The following THSD4 variants were observed in gnomAD, a reference collection of about 807,000 sequenced individuals.
The protein encoded by THSD4 is thrombospondin type 1 domain containing 4, also known as thrombospondin type-1 domain-containing protein 4.
THSD4 carries 69 observed loss-of-function variants against 119.0 expected under a neutral mutation model. The ratio of observed to expected loss-of-function variants is 0.58; its 90% confidence interval spans 0.48 to 0.71. The LOEUF (loss-of-function observed/expected upper bound fraction) is 0.71, where lower values mean the gene tolerates loss of function less well. Ranked by LOEUF, THSD4 falls within the 30% of genes least tolerant of loss-of-function variation. The pLI, the probability that THSD4 is intolerant of heterozygous loss-of-function variation, is 0.00. For synonymous variants in THSD4, 524 were observed against 540.4 expected, an observed-to-expected ratio of 0.97 and a Z score of 0.42; for missense variants, 1,393 against 1,391.1, an observed-to-expected ratio of 1.00 and a Z score of -0.02.
intron 3 of THSD4, chr15:71,167,282 C>G (rs1229580057): frequency 6.6e-6 from 1 of 152,226 alleles, no homozygotes; most frequent in African/African-American, 2.4e-5. Context: ...GCTTTCTGTG[C>G]TATAAAGTCT....
intron 7 of THSD4, among the ~76,000 whole-genome samples, chr15:71,424,731 G>T (rs969907538): frequency 2.6e-5 from 4 of 152,110 alleles, no homozygotes; most frequent in African/African-American, 9.7e-5. Flanking sequence ...CATTAACCAC[G>T]CTATGATTTA....
chr15:71,117,946 G>T (rs555701885), intron 1 of THSD4, among the ~76,000 whole-genome samples: 1 of 152,278 alleles, frequency 6.6e-6, no homozygotes, highest in Non-Finnish European at 1.5e-5. Flanking sequence ...CCACCCAGGG[G>T]AGAAAGGGAA....
At position 71,544,812 on chromosome 15, in the gene THSD4, T is replaced by C. The variant is rs188763557; in HGVS notation, c.1153-115718T>C. On this transcript the variant is annotated intron_variant, in intron 7 of 17. Coordinates refer to ENST00000261862, the MANE Select transcript of THSD4 (RefSeq NM_024817.3). ...AAATGTGGTATATCCATACAATGGA[T>C]ATTGCTTAACCTTAAAAAGGAATGA... Among the ~76,000 whole-genome samples the C allele has an allele frequency of 4.6e-5, 7 of 152,324 alleles. No individual in the cohort carries two copies. The East Asian group carries it at 1.3e-3, about 29-fold the overall frequency.
chr15:71,279,484 A>G (rs1205537493), intron 6 of THSD4, among the ~76,000 whole-genome samples: 3 of 152,228 alleles, frequency 2.0e-5, no homozygotes, highest in Admixed American at 6.5e-5. Flanking sequence ...CCTTTGGCAC[A>G]TTCTTAGGAT....
intron 8 of THSD4, among the ~76,000 whole-genome samples, chr15:71,707,659 A>C (rs2052419976): frequency 6.6e-6 from 1 of 152,204 alleles, no homozygotes; most frequent in Non-Finnish European, 1.5e-5. Flanking sequence ...CCTTTTGAAC[A>C]AGGCAGTTAT....
chr15:71,699,929 C>T (rs1385780249), intron 8 of THSD4, among the ~76,000 whole-genome samples: 1 of 151,970 alleles, frequency 6.6e-6, no homozygotes. Context: ...CCAATCTGTA[C>T]AAATTAATAA....
At chr15:71,735,385 T>C (rs2053063061) in intron 10 of THSD4, among the ~76,000 whole-genome samples, 1 of 152,088 alleles carries the variant, frequency 6.6e-6, no homozygotes, top group South Asian at 2.1e-4. Flanking sequence ...TCCATGGCAC[T>C]CAGGAAACCC....
intron 7 of THSD4, among the ~76,000 whole-genome samples, chr15:71,606,982 C>G (rs182488257): frequency 6.6e-6 from 1 of 152,264 alleles, no homozygotes; most frequent in Non-Finnish European, 1.5e-5. Context: ...TTTGGAGAAA[C>G]CAAAAGCTCA....
intron 11 of THSD4, among the ~76,000 whole-genome samples, chr15:71,741,311 C>G (rs2053229708): frequency 6.6e-6 from 1 of 151,828 alleles, no homozygotes; most frequent in Non-Finnish European, 1.5e-5. Context: ...GCCAACGTGG[C>G]AAAAAACCCT....
chr15:71,120,478 G>A (rs537381775), intron 1 of THSD4, among the ~76,000 whole-genome samples: 4 of 152,324 alleles, frequency 2.6e-5, no homozygotes, highest in Admixed American at 2.6e-4. Flanking sequence ...CTAGGGCGTG[G>A]TCCGAGGGCA....
rs73447540 is a variant in THSD4 at position 71,105,577 on chromosome 15, A to G, written c.-80+8571A>G. 2.5e-3 allele frequency among the ~76,000 whole-genome samples: 383 copies of G among 152,352 alleles called. 2 individuals are homozygous for G. Among genetic ancestry groups the G allele is most frequent in the African/African-American group, 8.8e-3 (366 of 41,586 alleles). ...GCATAAACTCAGGTGTGCTCCAAAGAGGCTCCTTAAGAATAAGAAAGGACA... is the reference window on the plus strand; with the variant it reads ...GCATAAACTCAGGTGTGCTCCAAAGGGGCTCCTTAAGAATAAGAAAGGACA... On this transcript the variant is annotated intron_variant, in intron 1 of 17. Transcript: ENST00000355327.
At chr15:71,221,479 A>G (rs992157847) in intron 4 of THSD4, among the ~76,000 whole-genome samples, 1 of 151,980 alleles carries the variant, frequency 6.6e-6, no homozygotes, top group African/African-American at 2.4e-5. Context: ...CCACCATTCT[A>G]CTTTCTTCCT....
Position 71,748,400 on chromosome 15 carries a change from C to T in THSD4, c.2242-21C>T, listed in dbSNP as rs527905242. 4.1e-4 allele frequency: 666 copies of T among 1,613,148 alleles called. 11 individuals carry two copies. The South Asian group carries it at 6.6e-3, about 16-fold the overall frequency. On this transcript the variant is annotated intron_variant, in intron 13 of 17. Coordinates refer to ENST00000261862, the MANE Select transcript of THSD4 (RefSeq NM_024817.3). ...GAGCTGAAGCTGCTGGTTCCCCTGA[C>T]GTCAGTGTGCTGTGTTTCAGTGCTC...
chr15:71,287,301 CTG>C (rs2140320898), intron 6 of THSD4, among the ~76,000 whole-genome samples: 1 of 152,246 alleles, frequency 6.6e-6, no homozygotes, highest in Non-Finnish European at 1.5e-5. Flanking sequence ...TTTCATCATG[CTG>C]TGTTAATACT....
intron 10 of THSD4, chr15:71,733,428 T>A (rs1159430731): frequency 1.3e-5 from 2 of 152,152 alleles, no homozygotes; most frequent in Non-Finnish European, 2.9e-5. Flanking sequence ...GGGAAGAGAT[T>A]GAATAAATTA....
chr15:71,279,320 C>T (rs1259954575), intron 6 of THSD4, among the ~76,000 whole-genome samples: 3 of 152,180 alleles, frequency 2.0e-5, no homozygotes, highest in East Asian at 1.9e-4. Flanking sequence ...TAGATATTGG[C>T]GGCTTTGCGT....
intron 3 of THSD4, among the ~76,000 whole-genome samples, chr15:71,160,140 G>T (rs558806588): frequency 1.3e-5 from 2 of 152,120 alleles, no homozygotes; most frequent in Admixed American, 6.5e-5. Flanking sequence ...TACATATGTT[G>T]AATCATCCTT....
intron 6 of THSD4, among the ~76,000 whole-genome samples, chr15:71,361,625 G>T (rs1486644919): frequency 1.3e-5 from 2 of 151,876 alleles, no homozygotes; most frequent in Non-Finnish European, 2.9e-5. Context: ...ACTTTTTTTT[G>T]ACCTAGCAAT....
chr15:71,739,105 A>AAC (rs2053185671), intron 11 of THSD4, among the ~76,000 whole-genome samples: 2 of 151,554 alleles, frequency 1.3e-5, no homozygotes, highest in Admixed American at 1.3e-4. Context: ...TCAGAAAAAA[A>AAC]AAAAAAAAAC....
Sources: gnomAD v4.1 joint callset for allele counts (sites outside exome capture counted in the v4.1 genomes callset) on GRCh38, gnomAD v4.1.1 for gene constraint, MANE v1.5 for transcripts, NCBI Gene and HGNC (gene_info 2026-07-23, HGNC 2026-07-21) for gene names.